Variants in EYA2 observed in about 807,000 individuals in gnomAD.
EYA2 encodes EYA transcriptional coactivator and phosphatase 2, also known as protein phosphatase EYA2.
In EYA2, 31 loss-of-function variants were observed where a neutral mutation model predicts 69.2. The observed-to-expected ratio is 0.45, with a 90% CI of 0.34 to 0.60. EYA2 has a LOEUF of 0.60. Among genes scored for constraint, EYA2 ranks in the 20% least tolerant of loss-of-function variants. EYA2 has a pLI of 0.02. For synonymous variants in EYA2, 257 were observed against 279.4 expected (o/e 0.92, Z 0.80); for missense variants, 622 against 701.2 (o/e 0.89, Z 1.28).
chr20:47,087,215 G>A (rs977899411), intron 7 of EYA2, among the ~76,000 whole-genome samples: 1 of 152,152 alleles, frequency 6.6e-6, no homozygotes. Context: ...AGTCCCTTGG[G>A]TCTTAAAGGG....
intron 1 of EYA2, among the ~76,000 whole-genome samples, chr20:46,968,447 G>C (rs1211140811): frequency 6.6e-6 from 1 of 152,162 alleles, no homozygotes; most frequent in Non-Finnish European, 1.5e-5. Context: ...TTGTACAGAT[G>C]AGCAGGGACT....
intron 1 of EYA2, chr20:46,978,745 C>G: frequency 1.9e-6 from 1 of 529,032 alleles, no homozygotes; most frequent in South Asian, 1.4e-5. Context: ...CCGTGGTCTT[C>G]CTGGGCAGAG....
intron 5 of EYA2, among the ~76,000 whole-genome samples, chr20:47,035,271 G>C (rs1017263782): frequency 6.6e-6 from 1 of 152,222 alleles, no homozygotes; most frequent in Non-Finnish European, 1.5e-5. Flanking sequence ...CTCAGTCTGA[G>C]ACGGTGGCGG....
Position 46,929,597 on chromosome 20 carries a change from A to G in EYA2, c.-11+34610A>G, listed in dbSNP as rs182596126. 4.7e-4 allele frequency among the ~76,000 whole-genome samples: 72 copies of G among 152,254 alleles called. 1 individual carries two copies. The East Asian group carries it at 0.013, about 27-fold the overall frequency. On this transcript the variant is annotated intron_variant, in intron 1 of 15. Coordinates refer to ENST00000327619, the MANE Select transcript of EYA2 (RefSeq NM_005244.5). ...GCAAGCAGAGCCCGGGTGATGATAC[A>G]GGGAGTCCAGCTTTAAGATAGGACA...
At chr20:47,072,390 A>T in intron 6 of EYA2, 138 bp downstream of exon 6, 1 of 803,808 alleles carries the variant, frequency 1.2e-6, no homozygotes, top group Non-Finnish European at 2.1e-6. Context: ...TGGAGACTAC[A>T]GGGGCTAGAT....
chr20:47,155,427 G>T (rs2033903760), intron 10 of EYA2, among the ~76,000 whole-genome samples: 1 of 151,882 alleles, frequency 6.6e-6, no homozygotes, highest in African/African-American at 2.4e-5. Context: ...ATCCCGATGG[G>T]AGCTAGTGTG....
At chr20:46,935,974 C>CA in intron 1 of EYA2, among the ~76,000 whole-genome samples, 1 of 152,168 alleles carries the variant, frequency 6.6e-6, no homozygotes, top group South Asian at 2.1e-4. Context: ...ACATGCGGCT[C>CA]AAGGGCAGTG....
At chr20:47,173,965 T>C (rs1205776840) in intron 12 of EYA2, among the ~76,000 whole-genome samples, 1 of 152,186 alleles carries the variant, frequency 6.6e-6, no homozygotes, top group African/African-American at 2.4e-5. Flanking sequence ...ATTTGCTCAT[T>C]GCCCCAAACA....
At chr20:47,166,393 T>TTAAAAAAAAAAAAAAAAAAAAAAAAA (rs1555806208) in intron 10 of EYA2, among the ~76,000 whole-genome samples, 1 of 34,480 alleles carries the variant, frequency 2.9e-5, no homozygotes, top group African/African-American at 7.1e-5. Flanking sequence ...CAAGACTGTC[T>TTAAAAAAAAAAAAAAAAAAAAAAAAA]AAAAAAAAAA....
chr20:46,975,007 G>A (rs1036725029), intron 1 of EYA2, among the ~76,000 whole-genome samples: 6 of 150,604 alleles, frequency 4.0e-5, no homozygotes, highest in African/African-American at 9.7e-5. Flanking sequence ...TGCATACTGC[G>A]TGATTCCATT....
chr20:47,163,323 G>T (rs1049989988), intron 10 of EYA2, among the ~76,000 whole-genome samples: 2 of 152,040 alleles, frequency 1.3e-5, no homozygotes, highest in African/African-American at 4.8e-5. Context: ...AAGCCACCGC[G>T]CCCAGCCGGA....
chr20:46,951,338 G>A (rs1379545789), intron 1 of EYA2, among the ~76,000 whole-genome samples: 3 of 152,114 alleles, frequency 2.0e-5, no homozygotes, highest in Non-Finnish European at 2.9e-5. Context: ...GTCTGGTGTC[G>A]CTTTGGCATT....
At chr20:47,125,968 G>A (rs1023442016) in intron 9 of EYA2, among the ~76,000 whole-genome samples, 2 of 152,142 alleles carry the variant, frequency 1.3e-5, no homozygotes, top group Non-Finnish European at 2.9e-5. Flanking sequence ...AGTTCAGGAC[G>A]TCAGGGTAAT....
chr20:47,009,193 GCACA>G (rs1237505479), intron 4 of EYA2, among the ~76,000 whole-genome samples: 1 of 152,062 alleles, frequency 6.6e-6, no homozygotes, highest in East Asian at 1.9e-4. Flanking sequence ...ACGCGTGCAC[GCACA>G]CACACATACA....
intron 9 of EYA2, among the ~76,000 whole-genome samples, chr20:47,108,989 A>G (rs2032673504): frequency 1.3e-5 from 2 of 151,986 alleles, no homozygotes; most frequent in South Asian, 2.1e-4. Context: ...GGTCTTTCTC[A>G]GTTTACCGTT....
At chr20:47,012,857 C>A (rs141934384) in intron 4 of EYA2, among the ~76,000 whole-genome samples, 1 of 152,302 alleles carries the variant, frequency 6.6e-6, no homozygotes, top group Non-Finnish European at 1.5e-5. Context: ...GATGTCAGAA[C>A]AATGCCAAGT....
In EYA2 at chr20:47,093,469, T is replaced by C. The variant is rs1018421426; in HGVS notation, c.805-3616T>C. 5.3e-5 allele frequency among the ~76,000 whole-genome samples: 8 copies of C among 152,260 alleles called. 1 individual carries two copies. Among genetic ancestry groups the C allele is most frequent in the Admixed American group, 5.2e-4 (8 of 15,286 alleles). On this transcript the variant is annotated intron_variant, in intron 8 of 15. Transcript: ENST00000327619. ...TCACATTGTCCACCTTTATCTCGGC[T>C]GTCTGCTTCAGCTCTGCGGCTCCTG... is the stretch of plus-strand genomic sequence containing the variant.
At chr20:47,109,622 ATCC>A (rs1234825956) in intron 9 of EYA2, among the ~76,000 whole-genome samples, 2 of 152,166 alleles carry the variant, frequency 1.3e-5, no homozygotes, top group African/African-American at 4.8e-5. Context: ...GGCTCTAGTA[ATCC>A]TCCTGCCTCA....
intron 1 of EYA2, among the ~76,000 whole-genome samples, chr20:46,908,754 T>C (rs1230406317): frequency 1.3e-5 from 2 of 151,822 alleles, no homozygotes; most frequent in East Asian, 3.9e-4. Context: ...AAAATCACTA[T>C]GAGGAACCAC....
Sources: gnomAD v4.1 joint callset for allele counts (sites outside exome capture counted in the v4.1 genomes callset) on GRCh38, gnomAD v4.1.1 for gene constraint, MANE v1.5 for transcripts, NCBI Gene and HGNC (gene_info 2026-07-23, HGNC 2026-07-21) for gene names.